Variants in PKD1L1 observed in about 807,000 individuals in gnomAD.
The protein encoded by PKD1L1 is polycystin 1 like 1, transient receptor potential channel interacting, also known as polycystin-1-like protein 1.
In PKD1L1, 236 loss-of-function variants were observed where a neutral mutation model predicts 323.4. The observed-to-expected ratio is 0.73, with a 90% CI of 0.66 to 0.81. The LOEUF is 0.81. PKD1L1 is among the 40% of genes least tolerant of loss of function. The pLI, the probability that PKD1L1 is intolerant of heterozygous loss-of-function variation, is 0.00. For synonymous variants in PKD1L1, 1,344 were observed against 1,335.0 expected (o/e 1.01, Z -0.15); for missense variants, 3,320 against 3,508.0 (o/e 0.95, Z 1.35).
Position 47,821,179 on chromosome 7 carries a change from A to C in PKD1L1, c.6862T>G (p.Ser2288Ala). The change falls in exon 46 of 57, where the codon TCC becomes GCC. Residue 2288 changes from serine to alanine, a missense_variant. Ser to Ala is a moderately conservative substitution (Grantham distance 99, BLOSUM62 1). Transcript: ENST00000289672. ...AGAAGCAGCATGAGGATGTCCATGGAAATGTCTCTGTAAGAAGAGTTTTTA... is the reference window on the plus strand; with the variant it reads ...AGAAGCAGCATGAGGATGTCCATGGCAATGTCTCTGTAAGAAGAGTTTTTA... ...SRTRAALRDI[S>A]MDILMLLLLL... The C allele has an allele frequency of 6.2e-7, 1 of 1,601,418 alleles. No individual in the cohort carries two copies. Among genetic ancestry groups the C allele is most frequent in the East Asian group, 2.2e-5 (1 of 44,798 alleles).
intron 50 of PKD1L1, among the ~76,000 whole-genome samples, chr7:47,810,554 C>T (rs892083706): frequency 2.0e-5 from 3 of 150,964 alleles, no homozygotes; most frequent in African/African-American, 4.9e-5. Flanking sequence ...CCCACACCAG[C>T]GCGAGCTGAG....
intron 19 of PKD1L1, 75 bp downstream of exon 19, chr7:47,884,523 G>T: frequency 1.5e-6 from 2 of 1,350,858 alleles, no homozygotes; most frequent in East Asian, 2.3e-5. Context: ...GGGAACAGGT[G>T]GGAAATCCAG....
intron 45 of PKD1L1, among the ~76,000 whole-genome samples, chr7:47,825,204 T>C (rs1785218146): frequency 6.6e-6 from 1 of 151,836 alleles, no homozygotes. Context: ...TGTTCACTTT[T>C]CCAGTCCACT....
intron 21 of PKD1L1, among the ~76,000 whole-genome samples, chr7:47,878,405 T>C (rs1250149823): frequency 8.5e-5 from 13 of 152,230 alleles, no homozygotes; most frequent in Admixed American, 8.5e-4. Context: ...AGATGGATTA[T>C]AGAAATGAAA....
chr7:47,782,199 T>C (rs1384440404), intron 56 of PKD1L1, among the ~76,000 whole-genome samples: 1 of 152,222 alleles, frequency 6.6e-6, no homozygotes, highest in East Asian at 1.9e-4. Flanking sequence ...ACCTGCAGAT[T>C]TTGAAAAAAG....
At chr7:47,913,286 AG>A (rs1435884052) in intron 8 of PKD1L1, among the ~76,000 whole-genome samples, 4 of 152,202 alleles carry the variant, frequency 2.6e-5, no homozygotes, top group African/African-American at 9.7e-5. Context: ...ACAACCAAAC[AG>A]GAACACCATG....
chr7:47,774,739 A>G lies in PKD1L1; in HGVS notation c.*404T>C, dbSNP rs1786530700. 1 of 158,130 alleles carries G rather than the reference A, an allele frequency of 6.3e-6. No homozygotes were observed. The highest frequency in any genetic ancestry group is 1.4e-5 in the Non-Finnish European group (1 of 72,172). 9.8% of individuals were successfully genotyped at this position (158,130 alleles called of 1,614,324 possible). On this transcript the variant is annotated 3_prime_UTR_variant, in exon 57 of 57. Transcript: ENST00000289672. ...ACTTCAAAAATCTTATTTAAATATTAGAATGTTATCCTGGTCTCTTTCATC... is the reference window on the plus strand; with the variant it reads ...ACTTCAAAAATCTTATTTAAATATTGGAATGTTATCCTGGTCTCTTTCATC...
intron 6 of PKD1L1, 67 bp downstream of exon 6, chr7:47,931,037 G>T: frequency 6.9e-7 from 1 of 1,453,782 alleles, no homozygotes; most frequent in Admixed American, 1.9e-5. Context: ...CTAACGGATT[G>T]GGCATGGATG....
chr7:47,944,544 G>A (rs1028227873), intron 1 of PKD1L1, among the ~76,000 whole-genome samples: 5 of 152,222 alleles, frequency 3.3e-5, no homozygotes, highest in African/African-American at 1.2e-4. Flanking sequence ...CAGAGCCAAC[G>A]TTTAAACCTG....
chr7:47,876,224 T>C lies in PKD1L1; in HGVS notation c.3664-7A>G. 1 of 1,613,778 alleles carries C rather than the reference T, an allele frequency of 6.2e-7. No individual in the cohort carries two copies. Among genetic ancestry groups the C allele is most frequent in the South Asian group, 1.1e-5 (1 of 90,992 alleles). The stretch of plus-strand genomic sequence containing the variant: ...TAAATTCATAATGGAAGTCCTATGA[T>C]CCAGTCCAAGGGAGCAAAAATAGTA... On this transcript the variant is annotated splice_polypyrimidine_tract_variant and splice_region_variant and intron_variant, in intron 22 of 56. Coordinates refer to ENST00000289672, the MANE Select transcript of PKD1L1 (RefSeq NM_138295.5).
the PKD1L1 span, among the ~76,000 whole-genome samples, chr7:47,959,168 G>A: frequency 1.7e-4 from 26 of 152,104 alleles, no homozygotes; most frequent in Admixed American, 1.1e-3. Context: ...ATCTCGGCTC[G>A]CTACAACCTC....
At chr7:47,921,608 A>T (rs1210222467) in intron 7 of PKD1L1, among the ~76,000 whole-genome samples, 1 of 152,192 alleles carries the variant, frequency 6.6e-6, no homozygotes, top group Non-Finnish European at 1.5e-5. Context: ...ACAATTTGCA[A>T]TTGTAAAACC....
intron 31 of PKD1L1, 80 bp downstream of exon 31, chr7:47,853,047 A>T: frequency 1.1e-6 from 1 of 921,722 alleles, no homozygotes; most frequent in Non-Finnish European, 1.7e-6. Flanking sequence ...AAAGAAAAAC[A>T]CCACTATACA....
At chr7:47,825,302 G>C (rs1450457254) in intron 45 of PKD1L1, among the ~76,000 whole-genome samples, 1 of 151,586 alleles carries the variant, frequency 6.6e-6, no homozygotes, top group African/African-American at 2.4e-5. Context: ...GGTTGAGGTG[G>C]GTGGATCACT....
chr7:47,819,329 C>T (rs985860310), intron 46 of PKD1L1, among the ~76,000 whole-genome samples: 3 of 152,220 alleles, frequency 2.0e-5, no homozygotes, highest in African/African-American at 7.2e-5. Context: ...AACATTATCT[C>T]AGCTGCGATA....
At position 47,905,933 on chromosome 7, in the gene PKD1L1, T is replaced by A. The variant is rs778959232; in HGVS notation, c.1432A>T (p.Ile478Phe). The A allele has an allele frequency of 3.1e-6, 5 of 1,611,822 alleles. No homozygotes were observed. Among genetic ancestry groups the A allele is most frequent in the African/African-American group, 1.3e-5 (1 of 74,774 alleles). ...ATAAAGGACACGTTATATGAAGGAA[T>A]AGATGGAAAGTGATGTATAACCACA... ...STVVIHHFPS[I>F]PSYNVSFISQ... Residue 478 changes from isoleucine to phenylalanine, a missense_variant, in exon 10 of 57, where the codon ATT becomes TTT. Coordinates refer to ENST00000289672, the MANE Select transcript of PKD1L1 (RefSeq NM_138295.5).
At chr7:47,885,585 T>A in intron 18 of PKD1L1, 101 bp downstream of exon 18, 1 of 1,443,250 alleles carries the variant, frequency 6.9e-7, no homozygotes, top group Non-Finnish European at 9.3e-7. Context: ...TAAAGGCCCA[T>A]GTTGATGTGA....
At chr7:47,925,540 T>C (rs1485942912) in intron 7 of PKD1L1, among the ~76,000 whole-genome samples, 1 of 152,158 alleles carries the variant, frequency 6.6e-6, no homozygotes, top group Admixed American at 6.5e-5. Context: ...ACCTACTGAA[T>C]GGACCCCTCC....
In PKD1L1 at chr7:47,855,006, GT is replaced by G. The variant is rs761760498; in HGVS notation, c.4734del (p.Leu1578PhefsTer6). The G allele has an allele frequency of 3.7e-6, 6 of 1,613,602 alleles. No homozygotes were observed. The highest frequency in any genetic ancestry group is 5.1e-6 in the Non-Finnish European group (6 of 1,179,922). On this transcript the variant is annotated frameshift_variant, in exon 30 of 57. Transcript: ENST00000289672. LOFTEE classifies it high-confidence loss of function. Reference sequence around the variant, plus strand: ...TGATGGAGATTCACTTTATCCCGAAGTAATACAAATGTCGTTTTATTTCTCC... The same window carrying G: ...TGATGGAGATTCACTTTATCCCGAAGAATACAAATGTCGTTTTATTTCTCC... Reference protein sequence around the residue: ...DNRRNKTTFVLLRDKVNLHQF... With the variant: ...DNRRNKTTFVXLRDKVNLHQF...
Sources: allele counts gnomAD v4.1 joint callset (sites outside exome capture counted in the v4.1 genomes callset), GRCh38; gene constraint gnomAD v4.1.1; transcripts MANE v1.5; gene names NCBI Gene and HGNC (gene_info 2026-07-23, HGNC 2026-07-21).